UTRN: variants seen among roughly 807,000 people sequenced by gnomAD.
The protein encoded by UTRN is utrophin.
In UTRN, 283 loss-of-function variants were observed where a neutral mutation model predicts 463.9. The observed-to-expected ratio is 0.61, with a 90% CI of 0.55 to 0.67. The LOEUF is 0.67. Ranked by LOEUF, UTRN falls within the 30% of genes least tolerant of loss-of-function variation. UTRN has a pLI of 0.00. For missense variants in UTRN, 3,922 were observed against 4,084.3 expected, an observed-to-expected ratio of 0.96 and a Z score of 1.08; for synonymous variants, 1,442 against 1,431.5, an observed-to-expected ratio of 1.01 and a Z score of -0.17.
chr6:144,389,218 T>G (rs1781686819), intron 2 of UTRN, among the ~76,000 whole-genome samples: 1 of 152,198 alleles, frequency 6.6e-6, no homozygotes, highest in Non-Finnish European at 1.5e-5. Context: ...AATGGTTGCA[T>G]TCTTTTGAAT....
At chr6:144,566,712 G>T (rs1211891612) in intron 50 of UTRN, among the ~76,000 whole-genome samples, 1 of 152,180 alleles carries the variant, frequency 6.6e-6, no homozygotes, top group African/African-American at 2.4e-5. Context: ...TACATGTGTT[G>T]TGCTTTCTAC....
intron 2 of UTRN, among the ~76,000 whole-genome samples, chr6:144,306,126 T>A (rs749481253): frequency 1.3e-5 from 2 of 152,238 alleles, no homozygotes; most frequent in Admixed American, 6.5e-5. Flanking sequence ...TGTTTTATTT[T>A]CCCTTTTCTC....
At chr6:144,844,804 AATC>A (rs1781885101) in intron 73 of UTRN, among the ~76,000 whole-genome samples, 1 of 152,224 alleles carries the variant, frequency 6.6e-6, no homozygotes, top group Non-Finnish European at 1.5e-5. Flanking sequence ...ATGCCAAGCC[AATC>A]CCTTGAGCCC....
intron 52 of UTRN, 70 bp from the exon 53 acceptor site, chr6:144,700,017 G>A (rs564352026): frequency 1.4e-6 from 2 of 1,453,044 alleles, no homozygotes; most frequent in African/African-American, 1.4e-5. Context: ...CTAAAGGAAG[G>A]TAGATAATTT....
chr6:144,547,029 C>T (rs998578528), intron 46 of UTRN, among the ~76,000 whole-genome samples: 1 of 152,146 alleles, frequency 6.6e-6, no homozygotes, highest in Admixed American at 6.5e-5. Flanking sequence ...AGAGACTGAG[C>T]CTAAAAAGGC....
At chr6:144,546,908 T>C (rs1055626536) in intron 46 of UTRN, among the ~76,000 whole-genome samples, 1 of 152,266 alleles carries the variant, frequency 6.6e-6, no homozygotes, top group Non-Finnish European at 1.5e-5. Context: ...TTGAAATCTC[T>C]TAAATGTCTA....
chr6:144,342,761 A>T (rs1777243081), intron 2 of UTRN, among the ~76,000 whole-genome samples: 1 of 152,206 alleles, frequency 6.6e-6, no homozygotes, highest in African/African-American at 2.4e-5. Flanking sequence ...ATTCTTTGAC[A>T]ATACTAAAAA....
intron 35 of UTRN, among the ~76,000 whole-genome samples, chr6:144,512,036 G>T (rs889283921): frequency 6.6e-6 from 1 of 151,932 alleles, no homozygotes; most frequent in African/African-American, 2.4e-5. Flanking sequence ...AAGAGCATGG[G>T]CTTTGCTCTT....
chr6:144,565,140 G>A (rs1585302544), intron 50 of UTRN, among the ~76,000 whole-genome samples: 1 of 152,136 alleles, frequency 6.6e-6, no homozygotes, highest in Admixed American at 6.5e-5. Context: ...AAGTAGAAAA[G>A]ACATTTTGGT....
chr6:144,661,688 A>G (rs568412787), intron 51 of UTRN, among the ~76,000 whole-genome samples: 89 of 152,302 alleles, frequency 5.8e-4, no homozygotes, highest in Non-Finnish European at 1.0e-3. Flanking sequence ...GGTATAGAGC[A>G]TATGTTACAT....
At chr6:144,579,372 G>T (rs534158892) in intron 51 of UTRN, among the ~76,000 whole-genome samples, 1 of 131,260 alleles carries the variant, frequency 7.6e-6, no homozygotes, top group East Asian at 2.8e-4. Context: ...CTCACAGTTA[G>T]TTAACTTATG....
chr6:144,349,314 A>C (rs1372214779), intron 2 of UTRN, among the ~76,000 whole-genome samples: 1 of 152,146 alleles, frequency 6.6e-6, no homozygotes, highest in Non-Finnish European at 1.5e-5. Context: ...GGCCCTGAGC[A>C]GTTCTTTAAG....
At chr6:144,637,135 G>A (rs1273647852) in intron 51 of UTRN, among the ~76,000 whole-genome samples, 2 of 152,082 alleles carry the variant, frequency 1.3e-5, no homozygotes, top group Non-Finnish European at 2.9e-5. Flanking sequence ...CACCCGGCTA[G>A]TTTTTTGTAT....
At chr6:144,489,289 G>A (rs371641773) in intron 30 of UTRN, among the ~76,000 whole-genome samples, 1 of 151,976 alleles carries the variant, frequency 6.6e-6, no homozygotes, top group African/African-American at 2.4e-5. Context: ...GACTTCAAGT[G>A]ATCTGCCTGC....
chr6:144,850,427 C>T (rs1360472565), intron 74 of UTRN, among the ~76,000 whole-genome samples: 1 of 151,944 alleles, frequency 6.6e-6, no homozygotes, highest in Non-Finnish European at 1.5e-5. Context: ...TTTCAAAATC[C>T]TTTTAGAAGA....
intron 46 of UTRN, among the ~76,000 whole-genome samples, chr6:144,543,591 C>T (rs1798163415): frequency 6.6e-6 from 1 of 152,104 alleles, no homozygotes; most frequent in South Asian, 2.1e-4. Context: ...TTTATTGCTC[C>T]TCCCCGCTTT....
At chr6:144,381,097 G>GT (rs1780870644) in intron 2 of UTRN, among the ~76,000 whole-genome samples, 1 of 151,764 alleles carries the variant, frequency 6.6e-6, no homozygotes, top group South Asian at 2.1e-4. Flanking sequence ...ATGGGGGTTT[G>GT]TTTACGGATT....
rs964722543 is a variant in UTRN, at chr6:144,286,465, G to A, written c.-93+644G>A. Among the ~76,000 whole-genome samples the A allele has an allele frequency of 6.6e-6, 1 of 152,198 alleles. No individual in the cohort carries two copies. Among genetic ancestry groups the A allele is most frequent in the African/African-American group, 2.4e-5 (1 of 41,452 alleles). ...CAAGCTCCCTGGCAGCGGCCCTGGA[G>A]AGACTGAGGGGACAGGAGGAGGGGG... On this transcript the variant is annotated intron_variant, in intron 1 of 74. Coordinates refer to ENST00000367545, the MANE Select transcript of UTRN (RefSeq NM_007124.3). The surrounding 1 kb of genome is among the most constrained non-coding windows in gnomAD (Gnocchi z 4.4).
rs1584797413 is a variant in UTRN, at chr6:144,441,188, TAACTC to T, written c.1512+719_1512+723del. Among the ~76,000 whole-genome samples, 3 of 152,296 alleles carry T rather than the reference TAACTC, an allele frequency of 2.0e-5. No homozygotes were observed. The East Asian group carries it at 5.8e-4, about 29-fold the overall frequency. Reference sequence around the variant, plus strand: ...TTTCCCAACAGTACCCCCAAAGTCTTAACTCATTTCAGCATTAACTCAAAAGTCCA... The same window carrying T: ...TTTCCCAACAGTACCCCCAAAGTCTTATTTCAGCATTAACTCAAAAGTCCA... On this transcript the variant is annotated intron_variant, in intron 13 of 74. Transcript: ENST00000367545.
Sources: allele counts gnomAD v4.1 joint callset (sites outside exome capture counted in the v4.1 genomes callset), GRCh38; gene constraint gnomAD v4.1.1; non-coding constraint Gnocchi (gnomAD v3.1); transcripts MANE v1.5; gene names NCBI Gene and HGNC (gene_info 2026-07-23, HGNC 2026-07-21).